Variants in SAMD13 observed in about 807,000 individuals in gnomAD.
SAMD13 encodes the protein sterile alpha motif domain-containing protein 13.
A neutral mutation model predicts 12.4 loss-of-function variants in SAMD13; 9 were observed. The observed-to-expected ratio is 0.72, with a 90% CI of 0.44 to 1.26. SAMD13 has a LOEUF of 1.26. Among genes scored for constraint, SAMD13 ranks in the 50% most tolerant of loss-of-function variants. SAMD13 has a pLI of 0.00. For synonymous variants in SAMD13, 46 were observed against 45.4 expected (o/e 1.01, Z -0.05); for missense variants, 84 against 119.6 (o/e 0.70, Z 1.39).
chr1:84,299,570 C>T, upstream of SAMD13: 1 of 1,488,144 alleles, frequency 6.7e-7, no homozygotes, highest in Non-Finnish European at 9.0e-7. Flanking sequence ...CACTCACATA[C>T]TTTATGCTAC....
chr1:84,298,965 GA>G (rs1678378002), upstream of SAMD13, among the ~76,000 whole-genome samples: 1 of 152,164 alleles, frequency 6.6e-6, no homozygotes, highest in African/African-American at 2.4e-5. Context: ...GTCTTAGCCA[GA>G]AACTTTCCCC....
chr1:84,340,472 T>C (rs1679399023), intron 3 of SAMD13, among the ~76,000 whole-genome samples: 1 of 152,162 alleles, frequency 6.6e-6, no homozygotes, highest in African/African-American at 2.4e-5. Context: ...GGTGGAAGTG[T>C]TTTTAAAATA....
chr1:84,338,274 G>A (rs1679345358), intron 3 of SAMD13, among the ~76,000 whole-genome samples: 1 of 152,022 alleles, frequency 6.6e-6, no homozygotes, highest in African/African-American at 2.4e-5. Context: ...TCCAAGACTG[G>A]GCAATGTACC....
chr1:84,342,527 G>A (rs1475457684), intron 3 of SAMD13, among the ~76,000 whole-genome samples: 1 of 152,124 alleles, frequency 6.6e-6, no homozygotes, highest in Non-Finnish European at 1.5e-5. Flanking sequence ...CAATAGAACA[G>A]AATGGAGAAC....
At chr1:84,333,206 C>A (rs1047777488) in intron 3 of SAMD13, among the ~76,000 whole-genome samples, 1 of 152,014 alleles carries the variant, frequency 6.6e-6, no homozygotes, top group African/African-American at 2.4e-5. Flanking sequence ...TTTTTTGGTT[C>A]CATATGAATG....
chr1:84,339,405 G>A (rs1003593979), intron 3 of SAMD13, among the ~76,000 whole-genome samples: 1 of 151,766 alleles, frequency 6.6e-6, no homozygotes, highest in Non-Finnish European at 1.5e-5. Flanking sequence ...GGCTTTGATT[G>A]TGGTATAAGG....
rs115866154 is a variant in SAMD13 at position 84,348,521 on chromosome 1, C to T, written c.166-1110C>T. Among the ~76,000 whole-genome samples the T allele has an allele frequency of 3.5e-3, 528 of 152,276 alleles. 5 individuals carry two copies. The highest frequency in any genetic ancestry group is 0.012 in the African/African-American group (479 of 41,562). Reference sequence around the variant, plus strand: ...CACCGACCATGCACAGCTGGTTTAACTCTTGAATCCAAGTCACCTAGGAAC... The same window carrying T: ...CACCGACCATGCACAGCTGGTTTAATTCTTGAATCCAAGTCACCTAGGAAC... On this transcript the variant is annotated intron_variant, in intron 3 of 3. Coordinates refer to ENST00000394834, the MANE Select transcript of SAMD13 (RefSeq NM_001134663.2).
chr1:84,344,677 C>A, intron 3 of SAMD13: 3 of 311,532 alleles, frequency 9.6e-6, no homozygotes, highest in East Asian at 8.2e-5. Flanking sequence ...TTTAAAGAAA[C>A]ATGGTGAATT....
chr1:84,350,314 G>C lies in SAMD13; in HGVS notation c.*540G>C, dbSNP rs1679623782. 1 of 152,344 alleles carries C rather than the reference G, an allele frequency of 6.6e-6. No homozygotes were observed. Among genetic ancestry groups the C allele is most frequent in the African/African-American group, 2.4e-5 (1 of 41,432 alleles). 9.4% of individuals were successfully genotyped at this position (152,344 alleles called of 1,614,324 possible). On this transcript the variant is annotated 3_prime_UTR_variant, in exon 4 of 4. Coordinates refer to ENST00000394834, the MANE Select transcript of SAMD13 (RefSeq NM_001134663.2). ...CCTTATTAAGGTTTTATTGGGATAT[G>C]CTGCAGTGTTTGAAATGAACATGCA...
intron 2 of SAMD13, 50 bp from the exon 3 acceptor site, chr1:84,325,587 A>C (rs780260085): frequency 6.3e-5 from 72 of 1,142,972 alleles, no homozygotes; most frequent in Non-Finnish European, 7.7e-5. Flanking sequence ...GCCTGGCCAC[A>C]CCCTTGTGCA....
At chr1:84,313,406 C>T (rs896837620) in intron 2 of SAMD13, among the ~76,000 whole-genome samples, 5 of 152,054 alleles carry the variant, frequency 3.3e-5, no homozygotes, top group Admixed American at 1.3e-4. Flanking sequence ...AGAATTTTGA[C>T]TAAATTTTTT....
At chr1:84,322,180 G>C (rs1678960499) in intron 2 of SAMD13, among the ~76,000 whole-genome samples, 1 of 152,164 alleles carries the variant, frequency 6.6e-6, no homozygotes, top group Non-Finnish European at 1.5e-5. Flanking sequence ...TCCCTCACCA[G>C]ATTGCCGGCT....
chr1:84,349,529 G>A (rs77175501), intron 3 of SAMD13, 102 bp from the exon 4 acceptor site: 1 of 1,500,014 alleles, frequency 6.7e-7, no homozygotes, highest in African/African-American at 1.4e-5. Context: ...TTTTTAGCTT[G>A]GGCACAAGTG....
intron 2 of SAMD13, among the ~76,000 whole-genome samples, chr1:84,311,198 T>C (rs1181550512): frequency 1.3e-5 from 2 of 151,700 alleles, no homozygotes; most frequent in Non-Finnish European, 2.9e-5. Flanking sequence ...TATCCAGGCA[T>C]GGTAGTGGGC....
At chr1:84,303,802 T>G (rs1230743950) in intron 2 of SAMD13, 1 of 152,616 alleles carries the variant, frequency 6.6e-6, no homozygotes, top group African/African-American at 2.4e-5. Context: ...GGTGTTTATT[T>G]TAAAGTCTGT....
chr1:84,330,819 G>A (rs17131600), intron 3 of SAMD13, among the ~76,000 whole-genome samples: 4,247 of 152,230 alleles, frequency 0.028, 72 homozygotes, highest in South Asian at 0.071. Context: ...ATATTTTTCA[G>A]ATTTCTCAAA....
intron 2 of SAMD13, among the ~76,000 whole-genome samples, chr1:84,324,730 A>G (rs1679019028): frequency 6.6e-6 from 1 of 152,170 alleles, no homozygotes; most frequent in Admixed American, 6.5e-5. Context: ...AAAGCCAGAC[A>G]AATACTCCCA....
intron 1 of SAMD13, 78 bp downstream of exon 1, chr1:84,301,879 A>G (rs1678459809): frequency 1.7e-6 from 1 of 572,052 alleles, no homozygotes; most frequent in Non-Finnish European, 2.2e-6. Flanking sequence ...GGTGTTGCAG[A>G]GTATCATTGT....
At chr1:84,303,443 A>G (rs1442197176) in intron 2 of SAMD13, 156 bp downstream of exon 2, 13 of 547,446 alleles carry the variant, frequency 2.4e-5, no homozygotes, top group Non-Finnish European at 2.0e-5. Flanking sequence ...CCCCTACCCC[A>G]GTTACCTTTT....
Sources: gnomAD v4.1 joint callset for allele counts (sites outside exome capture counted in the v4.1 genomes callset) on GRCh38, gnomAD v4.1.1 for gene constraint, MANE v1.5 for transcripts, NCBI Gene and HGNC (gene_info 2026-07-23, HGNC 2026-07-21) for gene names.